The following HCN4 variants were observed in gnomAD, a reference collection of about 807,000 sequenced individuals.
HCN4 encodes hyperpolarization activated cyclic nucleotide gated potassium channel 4.
A neutral mutation model predicts 76.9 loss-of-function variants in HCN4; 29 were observed. The ratio of observed to expected loss-of-function variants is 0.38; its 90% CI spans 0.28 to 0.51. HCN4 has a LOEUF of 0.51. Ranked by LOEUF, HCN4 falls within the 20% of genes least tolerant of loss-of-function variation. The probability of loss-of-function intolerance (pLI) is 0.90; values close to 1 mark genes in which losing one functional copy is unlikely to be tolerated. For synonymous variants in HCN4, 772 were observed against 762.5 expected, an observed-to-expected ratio of 1.01 and a Z score of -0.21; for missense variants, 1,416 against 1,715.2, an observed-to-expected ratio of 0.83 and a Z score of 3.08.
chr15:73,323,098 G>T lies in HCN4; in HGVS notation c.2995C>A (p.Arg999=). 1.9e-6 allele frequency: 3 copies of T among 1,590,086 alleles called. No homozygotes were observed. Among genetic ancestry groups the T allele is most frequent in the Non-Finnish European group, 2.6e-6 (3 of 1,169,964 alleles). The change falls in exon 8 of 8, where the codon CGG becomes AGG. Residue 999 remains arginine, a synonymous_variant. Coordinates refer to ENST00000261917, the MANE Select transcript of HCN4 (RefSeq NM_005477.3). The part of the protein sequence containing the change: ...GPLSTPETPP[R]QPEPPSLVAG... ...ACAAGGGACGGCGGCTCAGGCTGCC[G>T]TGGGGGTGTCTCTGGCGTGCTCAGT...
At position 73,323,810 on chromosome 15, in the gene HCN4, A is replaced by C. The variant is rs1009352503; in HGVS notation, c.2283T>G (p.Ala761=). 9 of 1,607,054 alleles carry C rather than the reference A, an allele frequency of 5.6e-6. No homozygotes were observed. The Admixed American group carries it at 1.3e-4, about 24-fold the overall frequency. Residue 761 remains alanine, a synonymous_variant, in exon 8 of 8, where the codon GCT becomes GCG. Transcript: ENST00000261917. The part of the protein sequence containing the change: ...EMAHCAHRVQ[A]AASATPTPTP... ...TGGGGGTTGGGGTGGCAGAGGCAGC[A>C]GCCTGGACGCGGTGCGCGCAGTGGG...
In HCN4 at chr15:73,323,465, G is replaced by C; in HGVS notation, c.2628C>G (p.Pro876=). 1 of 1,607,300 alleles carries C rather than the reference G, an allele frequency of 6.2e-7. No homozygotes were observed. The highest frequency in any genetic ancestry group is 1.7e-4 in the Middle Eastern group (1 of 6,054). Residue 876 remains proline (P), a synonymous_variant, in exon 8 of 8, where the codon CCC becomes CCG. Transcript: ENST00000261917. ...SAPAGLSPLL[P]SSSSSPPPGA... Reference sequence around the variant, plus strand: ...CGGGGGGTGGGGAGGAGCTGGATGAGGGCAGGAGTGGGCTCAGTCCAGCGG... The same window carrying C: ...CGGGGGGTGGGGAGGAGCTGGATGACGGCAGGAGTGGGCTCAGTCCAGCGG...
chr15:73,329,756 G>A lies in HCN4; in HGVS notation c.1407C>T (p.Leu469=). 1 of 1,614,104 alleles carries A rather than the reference G, an allele frequency of 6.2e-7. No homozygotes were observed. The highest frequency in any genetic ancestry group is 8.5e-7 in the Non-Finnish European group (1 of 1,179,990). The change falls in exon 4 of 8, where the codon CTC becomes CTT. Residue 469 remains leucine (L), a synonymous_variant. Transcript: ENST00000261917. ...NSWGKQYSYA[L]FKAMSHMLCI... is the part of the protein sequence containing the mutation. ...ACAGCATGTGGCTCATGGCCTTGAA[G>A]AGCGCGTAGGAGTACTGCTTCCCCC... is the stretch of plus-strand genomic sequence containing the variant.
At position 73,341,965 on chromosome 15, in the gene HCN4, G is replaced by T. The variant is rs143381241; in HGVS notation, c.1209+1420C>A. Among the ~76,000 whole-genome samples, 70 of 152,348 alleles carry T rather than the reference G, an allele frequency of 4.6e-4. 1 individual carries two copies. The East Asian group carries it at 0.013, about 29-fold the overall frequency. ...ATGGGAACTTCTGCCAGGCAAGCAG[G>T]GGGTCCTGGAGGCTGGGAAGTCAGC... On this transcript the variant is annotated intron_variant, in intron 2 of 7. Transcript: ENST00000261917.
rs750677813 is a variant in HCN4 at position 73,323,850 on chromosome 15, T to A, written c.2243A>T (p.His748Leu). The change falls in exon 8 of 8, where the codon CAT becomes CTT. Residue 748 changes from histidine to leucine, a missense_variant. Physicochemically the swap from His to Leu is moderately conservative, Grantham distance 99 (BLOSUM62 -3). Around this residue, in one of 6 missense-constraint regions of HCN4, gnomAD observed 241 missense variants for 379.4 expected, o/e 0.64. Coordinates refer to ENST00000261917, the MANE Select transcript of HCN4 (RefSeq NM_005477.3). ...CGCGCAGTGGGCCATCTCCCGGTCA[T>A]GCTGCACAATCTGCTGGATGATCTC... ...ENEIIQQIVQ[H>L]DREMAHCAHR... 1 of 1,605,156 alleles carries A rather than the reference T, an allele frequency of 6.2e-7. No homozygotes were observed. The highest frequency in any genetic ancestry group is 8.5e-7 in the Non-Finnish European group (1 of 1,179,938).
chr15:73,344,020 G>A (rs894332584), intron 1 of HCN4, among the ~76,000 whole-genome samples: 3 of 152,152 alleles, frequency 2.0e-5, no homozygotes, highest in African/African-American at 4.8e-5. Flanking sequence ...GATACCCTCC[G>A]TGCTGCCCTT....
At position 73,325,261 on chromosome 15, in the gene HCN4, CT is replaced by C; in HGVS notation, c.1737+36del. 1 of 1,614,124 alleles carries C rather than the reference CT, an allele frequency of 6.2e-7. No individual in the cohort carries two copies. Among genetic ancestry groups the C allele is most frequent in the South Asian group, 1.1e-5 (1 of 91,074 alleles). ...GAGGGGAGCTGGCTGCCAGGAAGGC[CT>C]GGCTCCCCTCCACGCCGGGCCGCCA... On this transcript the variant is annotated intron_variant, in intron 5 of 7. Coordinates refer to ENST00000261917, the MANE Select transcript of HCN4 (RefSeq NM_005477.3). The surrounding 1 kb of genome is among the most constrained non-coding windows in gnomAD (Gnocchi z 7.4).
chr15:73,331,981 T>C, intron 3 of HCN4, 150 bp downstream of exon 3: 1 of 751,840 alleles, frequency 1.3e-6, no homozygotes, highest in Non-Finnish European at 2.3e-6. Context: ...ATTGGGCCTG[T>C]ACTGGGTAGA....
intron 2 of HCN4, among the ~76,000 whole-genome samples, chr15:73,338,591 C>G (rs2042980060): frequency 6.6e-6 from 1 of 152,232 alleles, no homozygotes; most frequent in African/African-American, 2.4e-5. Context: ...CTTTCCTTCC[C>G]TCTCTTTCCC....
chr15:73,323,179 G>A lies in HCN4; in HGVS notation c.2914C>T (p.Pro972Ser), dbSNP rs771946238. Residue 972 changes from proline (P) to serine (S), a missense_variant, in exon 8 of 8, where the codon CCC becomes TCC. Transcript: ENST00000261917. ...PPSSRSPSSS[P>S]GQLGQPPGEL... ...CCGGGAGGCTGGCCCAGCTGCCCGGGGCTAGATGACGGGGATCTGGATGAG... is the reference window on the plus strand; with the variant it reads ...CCGGGAGGCTGGCCCAGCTGCCCGGAGCTAGATGACGGGGATCTGGATGAG... 2 of 1,553,064 alleles carry A rather than the reference G, an allele frequency of 1.3e-6. No homozygotes were observed. Among genetic ancestry groups the A allele is most frequent in the Admixed American group, 1.9e-5 (1 of 51,554 alleles).
In HCN4 at chr15:73,324,114, C is replaced by T. The variant is rs771077892; in HGVS notation, c.2118G>A (p.Val706=). Residue 706 remains valine, a synonymous_variant, in exon 7 of 8, where the codon GTG becomes GTA. Transcript: ENST00000261917. ...YPMMRRAFET[V]ALDRLDRIGK... ...CAATGCGGTCCAGGCGGTCCAGCGC[C>T]ACGGTCTCGAAGGCCCTTCGCATCA... 1.2e-5 allele frequency: 20 copies of T among 1,613,456 alleles called. 1 individual carries two copies. In the South Asian group the frequency reaches 2.1e-4, roughly 17 times the overall value.
intron 1 of HCN4, among the ~76,000 whole-genome samples, chr15:73,351,197 TC>T (rs2043053801): frequency 6.6e-6 from 1 of 152,046 alleles, no homozygotes; most frequent in Admixed American, 6.5e-5. Flanking sequence ...TCCTTTCCCT[TC>T]CCTTGAACGG....
Position 73,367,525 on chromosome 15 carries a change from G to A in HCN4, c.746C>T (p.Ser249Leu). The A allele has an allele frequency of 6.2e-7, 1 of 1,614,054 alleles. No individual in the cohort carries two copies. Among genetic ancestry groups the A allele is most frequent in the Non-Finnish European group, 8.5e-7 (1 of 1,180,020 alleles). The change falls in exon 1 of 8, where the codon TCG becomes TTG. Residue 249 changes from serine to leucine, a missense_variant. By Grantham distance (145) the Ser-to-Leu change is moderately radical. Around this residue, in one of 6 missense-constraint regions of HCN4, gnomAD observed 52 missense variants for 129.1 expected, o/e 0.40. Coordinates refer to ENST00000261917, the MANE Select transcript of HCN4 (RefSeq NM_005477.3). The surrounding 1 kb of genome is among the most constrained non-coding windows in gnomAD (Gnocchi z 7.5). ...GGGGTGGATAATCCAAAATCCGGCC[G>A]ACTTGACCCTCTCCTGTTCGCGCTC... Reference protein sequence around the residue: ...AVEREQERVKSAGFWIIHPYS... With the variant: ...AVEREQERVKLAGFWIIHPYS...
At chr15:73,329,090 G>A (rs550212) in intron 4 of HCN4, among the ~76,000 whole-genome samples, 13,069 of 152,188 alleles carry the variant, frequency 0.086, 806 homozygotes, top group African/African-American at 0.17. Flanking sequence ...CCACAGCACC[G>A]GGGCCCCAGA....
Position 73,328,142 on chromosome 15 carries a change from G to T in HCN4, c.1590+1431C>A, listed in dbSNP as rs1362001317. 6.6e-6 allele frequency among the ~76,000 whole-genome samples: 1 copy of T among 152,158 alleles called. No individual in the cohort carries two copies. Among genetic ancestry groups the T allele is most frequent in the African/African-American group, 2.4e-5 (1 of 41,436 alleles). The stretch of plus-strand genomic sequence containing the variant: ...GCCGAGTGTGGTGAAGGAGGAGAGG[G>T]TGCCATGGGGTCACATGACAGGTGA... On this transcript the variant is annotated intron_variant, in intron 4 of 7. Transcript: ENST00000261917. This position sits in a 1 kb window ranked among gnomAD's most constrained non-coding sequence, Gnocchi z 4.0.
At chr15:73,357,866 A>G (rs1346420826) in intron 1 of HCN4, among the ~76,000 whole-genome samples, 1 of 152,110 alleles carries the variant, frequency 6.6e-6, no homozygotes, top group East Asian at 1.9e-4. Context: ...CTCTAGGATC[A>G]TGACTGGCTG....
chr15:73,335,831 G>A lies in HCN4; in HGVS notation c.1210-3539C>T, dbSNP rs778831341. On this transcript the variant is annotated intron_variant, in intron 2 of 7. Coordinates refer to ENST00000261917, the MANE Select transcript of HCN4 (RefSeq NM_005477.3). ...CTCACTGTGGGGAGAGGAGCCTTCC[G>A]GAGTGGGGGCCAGTGGGGCCCTTCT... Among the ~76,000 whole-genome samples the A allele has an allele frequency of 6.6e-5, 10 of 152,248 alleles. No homozygotes were observed. In the East Asian group the frequency reaches 7.8e-4, roughly 12 times the overall value.
At chr15:73,329,108 A>G (rs940310965) in intron 4 of HCN4, among the ~76,000 whole-genome samples, 1 of 152,072 alleles carries the variant, frequency 6.6e-6, no homozygotes, top group African/African-American at 2.4e-5. Flanking sequence ...AGACAGAGGG[A>G]GGGTCAGGGG....
intron 1 of HCN4, among the ~76,000 whole-genome samples, chr15:73,357,176 C>G (rs1449954526): frequency 6.6e-6 from 1 of 152,208 alleles, no homozygotes; most frequent in Non-Finnish European, 1.5e-5. Flanking sequence ...CAACCCCTCT[C>G]TGGTCCCATT....
Sources: allele counts gnomAD v4.1 joint callset (sites outside exome capture counted in the v4.1 genomes callset), GRCh38; gene constraint gnomAD v4.1.1; regional missense constraint gnomAD v4.1.1; non-coding constraint Gnocchi (gnomAD v3.1); transcripts MANE v1.5; gene names NCBI Gene and HGNC (gene_info 2026-07-23, HGNC 2026-07-21).